Variants in KCNQ1 observed in about 807,000 individuals in gnomAD.
The protein encoded by KCNQ1 is potassium voltage-gated channel subfamily KQT member 1.
A neutral mutation model predicts 72.4 loss-of-function variants in KCNQ1; 49 were observed. The ratio of observed to expected loss-of-function variants is 0.68; its 90% CI spans 0.54 to 0.86. KCNQ1 has a LOEUF of 0.86. KCNQ1 is among the 40% of genes least tolerant of loss of function. The pLI, the probability that KCNQ1 is intolerant of heterozygous loss-of-function variation, is 0.00. For synonymous variants in KCNQ1, 450 were observed against 412.6 expected (o/e 1.09, Z -1.10); for missense variants, 790 against 945.1 (o/e 0.84, Z 2.15).
chr11:2,647,360 G>A lies in KCNQ1; in HGVS notation c.1394-14601G>A, dbSNP rs891998641. The A allele has an allele frequency of 1.8e-5, 7 of 398,434 alleles. No individual in the cohort carries two copies. Among genetic ancestry groups the A allele is most frequent in the South Asian group, 1.3e-4 (1 of 7,842 alleles). 24.7% of individuals were successfully genotyped at this position (398,434 alleles called of 1,614,324 possible). ...ATGGTGTATTATCTTTTTGATGTGCGATTGGATTCAGATTGCTAGTTTGTG... is the reference window on the plus strand; with the variant it reads ...ATGGTGTATTATCTTTTTGATGTGCAATTGGATTCAGATTGCTAGTTTGTG... On this transcript the variant is annotated intron_variant, in intron 10 of 15. Transcript: ENST00000155840. The surrounding 1 kb of genome is among the most constrained non-coding windows in gnomAD (Gnocchi z 4.0).
Position 2,601,833 on chromosome 11 carries a change from G to A in KCNQ1, c.1393+12979G>A, listed in dbSNP as rs960368846. On this transcript the variant is annotated intron_variant, in intron 10 of 15. Transcript: ENST00000155840. This position sits in a 1 kb window ranked among gnomAD's most constrained non-coding sequence, Gnocchi z 5.2. Reference sequence around the variant, plus strand: ...ACCATTCCCTCATCCAAGGACATGTGGGTCATTCCCAGTTTGGGCTATTAC... The same window carrying A: ...ACCATTCCCTCATCCAAGGACATGTAGGTCATTCCCAGTTTGGGCTATTAC... Among the ~76,000 whole-genome samples the A allele has an allele frequency of 6.6e-6, 1 of 152,146 alleles. No homozygotes were observed. Among genetic ancestry groups the A allele is most frequent in the Non-Finnish European group, 1.5e-5 (1 of 68,038 alleles).
chr11:2,557,151 A>G (rs970070906), intron 2 of KCNQ1, among the ~76,000 whole-genome samples: 3 of 152,226 alleles, frequency 2.0e-5, no homozygotes, highest in African/African-American at 7.2e-5. Context: ...TGCAAGCTAA[A>G]AGAAGAAAAG....
In KCNQ1 at chr11:2,653,502, G is replaced by T; in HGVS notation, c.1394-8459G>T. The T allele has an allele frequency of 2.5e-6, 1 of 398,682 alleles. No individual in the cohort carries two copies. 24.7% of individuals were successfully genotyped at this position (398,682 alleles called of 1,614,324 possible). On this transcript the variant is annotated intron_variant, in intron 10 of 15. Coordinates refer to ENST00000155840, the MANE Select transcript of KCNQ1 (RefSeq NM_000218.3). The surrounding 1 kb of genome is among the most constrained non-coding windows in gnomAD (Gnocchi z 5.3). The stretch of plus-strand genomic sequence containing the variant: ...TCAGACACAGCTGGACCCCAGAGCT[G>T]AGATGATCTTGCTCACTTGCTCTCA...
At chr11:2,636,454 T>C (rs1436410434) in intron 10 of KCNQ1, 3 of 152,218 alleles carry the variant, frequency 2.0e-5, no homozygotes, top group Non-Finnish European at 4.4e-5. Flanking sequence ...ATGTGGTTTT[T>C]GTCTTTGGTT....
Position 2,785,360 on chromosome 11 carries a change from T to C in KCNQ1, c.1794+7323T>C, listed in dbSNP as rs537069680. 2.0e-5 allele frequency among the ~76,000 whole-genome samples: 3 copies of C among 152,048 alleles called. No individual in the cohort carries two copies. In the South Asian group the frequency reaches 6.2e-4, roughly 32 times the overall value. Reference sequence around the variant, plus strand: ...CCTACCTGGGCATGATATATAATCCTTTTTATATGATGCTGGATTTGGTTT... The same window carrying C: ...CCTACCTGGGCATGATATATAATCCCTTTTATATGATGCTGGATTTGGTTT... On this transcript the variant is annotated intron_variant, in intron 15 of 15. Coordinates refer to ENST00000155840, the MANE Select transcript of KCNQ1 (RefSeq NM_000218.3). The surrounding 1 kb of genome is among the most constrained non-coding windows in gnomAD (Gnocchi z 4.4).
At chr11:2,628,632 TTTTG>T in intron 10 of KCNQ1, 2 of 398,440 alleles carry the variant, frequency 5.0e-6, no homozygotes. Context: ...GCAGACACTT[TTTTG>T]TTTGATGTAG....
At chr11:2,656,768 TTA>T in intron 10 of KCNQ1, 1 of 398,648 alleles carries the variant, frequency 2.5e-6, no homozygotes, top group Non-Finnish European at 4.4e-6. Flanking sequence ...ATTGCTTCTT[TTA>T]AAAAAAACCA....
chr11:2,529,373 T>C (rs958945613), intron 2 of KCNQ1, among the ~76,000 whole-genome samples: 1 of 152,104 alleles, frequency 6.6e-6, no homozygotes, highest in African/African-American at 2.4e-5. Context: ...CAGTGAACGT[T>C]GCCATCACCT....
At position 2,809,776 on chromosome 11, in the gene KCNQ1, TC is replaced by T. The variant is rs1431902584; in HGVS notation, c.1794+31742del. ...AATCCCCTTTGGTTCTAGCCATGTT[TC>T]CCTGAGCTCTTCCCTCTCTGTCTCT... On this transcript the variant is annotated intron_variant, in intron 15 of 15. Transcript: ENST00000155840. This position sits in a 1 kb window ranked among gnomAD's most constrained non-coding sequence, Gnocchi z 7.1. 6.6e-6 allele frequency among the ~76,000 whole-genome samples: 1 copy of T among 152,166 alleles called. No individual in the cohort carries two copies. Among genetic ancestry groups the T allele is most frequent in the Non-Finnish European group, 1.5e-5 (1 of 68,040 alleles).
intron 11 of KCNQ1, among the ~76,000 whole-genome samples, chr11:2,733,601 G>T (rs1845887918): frequency 6.6e-6 from 1 of 152,030 alleles, no homozygotes; most frequent in African/African-American, 2.4e-5. Context: ...TAGGGAGACA[G>T]TCGGGCACGG....
chr11:2,845,735 G>A (rs1225188343), intron 15 of KCNQ1, among the ~76,000 whole-genome samples: 1 of 152,186 alleles, frequency 6.6e-6, no homozygotes, highest in African/African-American at 2.4e-5. Flanking sequence ...ACCACCCAGG[G>A]CTGGAAGTGG....
Position 2,593,497 on chromosome 11 carries a change from C to T in KCNQ1, c.1393+4643C>T, listed in dbSNP as rs925739201. The stretch of plus-strand genomic sequence containing the variant: ...TGATTCTGAAGGGCTTCTGGGGAGG[C>T]GTCTTCAAAGCTGTGCCTGTGTGTG... On this transcript the variant is annotated intron_variant, in intron 10 of 15. Transcript: ENST00000155840. This position sits in a 1 kb window ranked among gnomAD's most constrained non-coding sequence, Gnocchi z 6.9. Among the ~76,000 whole-genome samples the T allele has an allele frequency of 3.3e-5, 5 of 152,178 alleles. No homozygotes were observed. The highest frequency in any genetic ancestry group is 7.3e-5 in the Non-Finnish European group (5 of 68,042).
chr11:2,700,327 C>A (rs555413910), intron 11 of KCNQ1, among the ~76,000 whole-genome samples: 3 of 152,262 alleles, frequency 2.0e-5, no homozygotes, highest in Non-Finnish European at 4.4e-5. Context: ...GTTGGCATCG[C>A]CGGGGTGAGC....
chr11:2,522,745 CG>C (rs1393953364), intron 1 of KCNQ1, among the ~76,000 whole-genome samples: 2 of 152,354 alleles, frequency 1.3e-5, no homozygotes, highest in East Asian at 3.9e-4. Flanking sequence ...GCCTGGCCTG[CG>C]GGGGAACGTT....
chr11:2,795,299 G>A (rs565878723), intron 15 of KCNQ1, among the ~76,000 whole-genome samples: 6 of 152,362 alleles, frequency 3.9e-5, no homozygotes, highest in Non-Finnish European at 7.3e-5. Context: ...CCTGCAGTTG[G>A]GGCACTGCAC....
At chr11:2,839,250 A>G (rs901408475) in intron 15 of KCNQ1, among the ~76,000 whole-genome samples, 3 of 152,006 alleles carry the variant, frequency 2.0e-5, no homozygotes, top group Non-Finnish European at 4.4e-5. Flanking sequence ...GGCCCCTTCC[A>G]AGGGAAGAGG....
intron 1 of KCNQ1, among the ~76,000 whole-genome samples, chr11:2,489,320 TTCAGCCCAC>T (rs2133624028): frequency 6.6e-6 from 1 of 152,254 alleles, no homozygotes; most frequent in East Asian, 1.9e-4. Context: ...CCAGGCTAAA[TTCAGCCCAC>T]ACCCAGCACA....
At position 2,712,239 on chromosome 11, in the gene KCNQ1, C is replaced by T. The variant is rs528227532; in HGVS notation, c.1514+50158C>T. On this transcript the variant is annotated intron_variant, in intron 11 of 15. Transcript: ENST00000155840. The surrounding 1 kb of genome is among the most constrained non-coding windows in gnomAD (Gnocchi z 6.4). The stretch of plus-strand genomic sequence containing the variant: ...ATTTATTGAGTGCCTTCTGGGTGCC[C>T]GGCCCTCTACTAGATGTGGGAGTTA... Among the ~76,000 whole-genome samples the T allele has an allele frequency of 3.9e-5, 6 of 152,192 alleles. No homozygotes were observed. Among genetic ancestry groups the T allele is most frequent in the East Asian group, 3.9e-4 (2 of 5,168 alleles).
chr11:2,628,410 T>C (rs1849295140), intron 10 of KCNQ1: 2 of 398,420 alleles, frequency 5.0e-6, no homozygotes, highest in Non-Finnish European at 8.8e-6. Context: ...CCTTTTTATA[T>C]ACCTGTTGAC....
Sources: allele counts gnomAD v4.1 joint callset (sites outside exome capture counted in the v4.1 genomes callset), GRCh38; gene constraint gnomAD v4.1.1; non-coding constraint Gnocchi (gnomAD v3.1); transcripts MANE v1.5; gene names NCBI Gene and HGNC (gene_info 2026-07-23, HGNC 2026-07-21).